The following ZNF606 variants were observed in gnomAD, a reference collection of about 807,000 sequenced individuals.
ZNF606 encodes zinc finger protein 328.
ZNF606 carries 37 observed loss-of-function variants against 74.9 expected under a neutral mutation model. The ratio of observed to expected loss-of-function variants is 0.49; its 90% CI spans 0.38 to 0.65. The LOEUF (loss-of-function observed/expected upper bound fraction) is 0.65. Among genes scored for constraint, ZNF606 ranks in the 30% least tolerant of loss-of-function variants. ZNF606 has a pLI of 0.00. For synonymous variants in ZNF606, 328 were observed against 312.4 expected (o/e 1.05, Z -0.53); for missense variants, 852 against 952.9 (o/e 0.89, Z 1.39).
At chr19:57,998,401 G>A (rs1012141712) in intron 4 of ZNF606, 1 of 152,078 alleles carries the variant, frequency 6.6e-6, no homozygotes, top group African/African-American at 2.4e-5. Flanking sequence ...TTGACACAAT[G>A]CTACAATATG....
upstream of ZNF606, chr19:58,003,274 G>A (rs147204661): frequency 2.4e-5 from 11 of 456,716 alleles, no homozygotes; most frequent in Middle Eastern, 6.5e-4. Flanking sequence ...GTCAGGGCTC[G>A]TTCCCAAGTC....
chr19:57,983,043 A>C (rs2073109965), intron 6 of ZNF606, among the ~76,000 whole-genome samples: 1 of 152,208 alleles, frequency 6.6e-6, no homozygotes, highest in Admixed American at 6.5e-5. Flanking sequence ...ATCTTCATAT[A>C]GATTTTTAAA....
chr19:57,989,939 C>T (rs1198506924), intron 4 of ZNF606, among the ~76,000 whole-genome samples: 1 of 148,986 alleles, frequency 6.7e-6, no homozygotes, highest in Admixed American at 6.8e-5. Context: ...ATAATCCCAG[C>T]TACTTGGGAG....
chr19:58,000,994 A>G (rs1340088293), intron 2 of ZNF606, among the ~76,000 whole-genome samples: 1 of 152,200 alleles, frequency 6.6e-6, no homozygotes, highest in Non-Finnish European at 1.5e-5. Context: ...TATATATGAG[A>G]GCAGTAGAGA....
At chr19:57,988,432 G>C (rs1358640279) in intron 5 of ZNF606, 130 bp from the exon 6 acceptor site, 1 of 1,366,030 alleles carries the variant, frequency 7.3e-7, no homozygotes, top group East Asian at 2.3e-5. Context: ...CCCACTCCAT[G>C]CTCTTTAAGC....
At position 57,979,981 on chromosome 19, in the gene ZNF606, C is replaced by T. The variant is rs1185634020; in HGVS notation, c.699G>A (p.Gln233=). ...LNFVPSQRVS[Q]IEHFYKPDTH... Reference sequence around the variant, plus strand: ...TATCAGGCTTATAGAAATGTTCTATCTGAGAAACTCTCTGAGATGGAACAA... The same window carrying T: ...TATCAGGCTTATAGAAATGTTCTATTTGAGAAACTCTCTGAGATGGAACAA... The change falls in exon 7 of 7, where the codon CAG becomes CAA. Residue 233 remains glutamine (Q), a synonymous_variant. Coordinates refer to ENST00000551380, the MANE Select transcript of ZNF606 (RefSeq NM_001348022.3). 6.2e-7 allele frequency: 1 copy of T among 1,613,844 alleles called. No individual in the cohort carries two copies. The highest frequency in any genetic ancestry group is 1.3e-5 in the African/African-American group (1 of 75,040).
rs957559584 is a variant in ZNF606, at chr19:57,977,482, T to C, written c.*819A>G. 8 of 152,262 alleles carry C rather than the reference T, an allele frequency of 5.3e-5. No individual in the cohort carries two copies. The highest frequency in any genetic ancestry group is 8.8e-5 in the Non-Finnish European group (6 of 68,044). 9.4% of individuals were successfully genotyped at this position (152,262 alleles called of 1,614,324 possible). On this transcript the variant is annotated 3_prime_UTR_variant, in exon 7 of 7. Transcript: ENST00000551380. The stretch of plus-strand genomic sequence containing the variant: ...TTTTAGATGTGTTACAGTAAGTATG[T>C]ATATACAATTCTGTATCCTTTTTAT...
chr19:57,986,072 C>CA (rs57618614), intron 6 of ZNF606, among the ~76,000 whole-genome samples: 23,735 of 151,830 alleles, frequency 0.16, 1,908 homozygotes, highest in African/African-American at 0.19. Flanking sequence ...GAAAGAAAGA[C>CA]AAAAAAACAT....
At position 58,000,707 on chromosome 19, in the gene ZNF606, C is replaced by G. The variant is rs773535260; in HGVS notation, c.64G>C (p.Ala22Pro). ...ALTDQSWGMT[A>P]VDPWASWALC... ...CCCCAGGAGGCCCATGGGTCAACAGCTGTCATCCCCCAAGATTGGTCCGTA... is the reference window on the plus strand; with the variant it reads ...CCCCAGGAGGCCCATGGGTCAACAGGTGTCATCCCCCAAGATTGGTCCGTA... The change falls in exon 3 of 7, where the codon GCT becomes CCT. Residue 22 changes from alanine to proline, a missense_variant. Around this residue, in one of 3 missense-constraint regions of ZNF606, gnomAD observed 545 missense variants for 542.5 expected, o/e 1.00. Transcript: ENST00000551380. The G allele has an allele frequency of 4.3e-6, 7 of 1,611,574 alleles. No individual in the cohort carries two copies. Among genetic ancestry groups the G allele is most frequent in the Non-Finnish European group, 5.1e-6 (6 of 1,178,728 alleles).
chr19:57,989,771 C>T (rs903470956), intron 4 of ZNF606, among the ~76,000 whole-genome samples: 2 of 151,412 alleles, frequency 1.3e-5, no homozygotes, highest in African/African-American at 4.8e-5. Flanking sequence ...GAAATCAACT[C>T]GCCAGGCACA....
In ZNF606 at chr19:58,001,245, G is replaced by GCT. The variant is rs1414273538; in HGVS notation, c.31+42_31+43dup. 1.9e-6 allele frequency: 3 copies of GCT among 1,612,112 alleles called. No homozygotes were observed. The African/African-American group carries it at 4.0e-5, about 22-fold the overall frequency. On this transcript the variant is annotated intron_variant, in intron 2 of 6. Coordinates refer to ENST00000551380, the MANE Select transcript of ZNF606 (RefSeq NM_001348022.3). ...CCAGCTCTGACCCATGACTGCAGCAGCTAATGATAGGGGAGGCCCAGGAGA... is the reference window on the plus strand; with the variant it reads ...CCAGCTCTGACCCATGACTGCAGCAGCTCTAATGATAGGGGAGGCCCAGGAGA...
chr19:57,992,428 A>T (rs913052540), intron 4 of ZNF606, among the ~76,000 whole-genome samples: 5 of 152,338 alleles, frequency 3.3e-5, no homozygotes, highest in Middle Eastern at 3.4e-3. Context: ...ACTAGCTAAC[A>T]GGAGACGAGG....
At chr19:57,984,617 C>T (rs371517421) in intron 6 of ZNF606, among the ~76,000 whole-genome samples, 1 of 152,218 alleles carries the variant, frequency 6.6e-6, no homozygotes, top group Non-Finnish European at 1.5e-5. Context: ...CAAATTCCTA[C>T]ATGCTTGTAG....
At chr19:57,988,838 G>C in intron 4 of ZNF606, 117 bp from the exon 5 acceptor site, 1 of 1,512,180 alleles carries the variant, frequency 6.6e-7, no homozygotes, top group South Asian at 1.2e-5. Flanking sequence ...AACTCTCCTG[G>C]TTATTCAAGA....
Position 57,979,108 on chromosome 19 carries a change from G to T in ZNF606, c.1572C>A (p.Ser524Arg), listed in dbSNP as rs1568572347. The T allele has an allele frequency of 6.2e-7, 1 of 1,614,100 alleles. No individual in the cohort carries two copies. Among genetic ancestry groups the T allele is most frequent in the Non-Finnish European group, 8.5e-7 (1 of 1,180,024 alleles). The change falls in exon 7 of 7, where the codon AGC (serine) becomes AGA (arginine). Residue 524 changes from serine (S) to arginine (R), a missense_variant. Coordinates refer to ENST00000551380, the MANE Select transcript of ZNF606 (RefSeq NM_001348022.3). ...CTECGKSFSWSSHLIAHMRMH... is the reference protein window; with the variant it reads ...CTECGKSFSWRSHLIAHMRMH... ...TTCTCATATGGGCAATAAGATGGGAGCTCCAGCTGAATGATTTCCCACATT... is the reference window on the plus strand; with the variant it reads ...TTCTCATATGGGCAATAAGATGGGATCTCCAGCTGAATGATTTCCCACATT...
chr19:57,978,199 T>A lies in ZNF606; in HGVS notation c.*102A>T. On this transcript the variant is annotated 3_prime_UTR_variant, in exon 7 of 7. Transcript: ENST00000551380. This position sits in a 1 kb window ranked among gnomAD's most constrained non-coding sequence, Gnocchi z 4.4. ...TTTCTAGTAAATAATGTGGGAGAAG[T>A]CTTACTGAACTCTTAATGAAAAATG... The A allele has an allele frequency of 8.5e-7, 1 of 1,178,952 alleles. No individual in the cohort carries two copies. The highest frequency in any genetic ancestry group is 1.2e-6 in the Non-Finnish European group (1 of 857,978). The allele number at this position is 1,178,952 out of a possible 1,614,324, so 73.0% of individuals were successfully genotyped here.
chr19:57,977,987 G>T lies in ZNF606; in HGVS notation c.*314C>A. ...CAATTCACACCAATCTACAATTGGT[G>T]AGAGCTCTTGCTAAAAGATGCCTCA... On this transcript the variant is annotated 3_prime_UTR_variant, in exon 7 of 7. Coordinates refer to ENST00000551380, the MANE Select transcript of ZNF606 (RefSeq NM_001348022.3). The T allele has an allele frequency of 4.8e-6, 1 of 210,422 alleles. No homozygotes were observed. Among genetic ancestry groups the T allele is most frequent in the Non-Finnish European group, 9.4e-6 (1 of 106,246 alleles). 13.0% of individuals were successfully genotyped at this position (210,422 alleles called of 1,614,324 possible). A position where few individuals can be genotyped will look rare whatever the true frequency, so the allele number is the denominator to read the frequency against.
chr19:57,994,970 T>C (rs2073312967), intron 4 of ZNF606, among the ~76,000 whole-genome samples: 1 of 151,204 alleles, frequency 6.6e-6, no homozygotes, highest in East Asian at 1.9e-4. Flanking sequence ...AATCACGAGG[T>C]CAAGAGATGG....
rs1424040864 is a variant in ZNF606 at position 57,988,694 on chromosome 19, C to A, written c.205G>T (p.Val69Leu). 1.2e-6 allele frequency: 2 copies of A among 1,614,042 alleles called. No individual in the cohort carries two copies. Among genetic ancestry groups the A allele is most frequent in the Non-Finnish European group, 1.7e-6 (2 of 1,180,036 alleles). The change falls in exon 5 of 7, where the codon GTG (valine) becomes TTG (leucine). Residue 69 changes from valine to leucine, a missense_variant. Val to Leu is a conservative substitution (Grantham distance 32, BLOSUM62 1). This residue lies in a region of ZNF606 where 545 missense variants were observed against 542.5 expected (regional missense o/e 1.00). Coordinates refer to ENST00000551380, the MANE Select transcript of ZNF606 (RefSeq NM_001348022.3). ...QEPVTFKDVA[V>L]DFTQEEWGQL... Reference sequence around the variant, plus strand: ...CCCCACTCTTCTTGGGTGAAGTCCACGGCCACGTCCTTGAAGGTCACTGGT... The same window carrying A: ...CCCCACTCTTCTTGGGTGAAGTCCAAGGCCACGTCCTTGAAGGTCACTGGT...
Sources: allele counts gnomAD v4.1 joint callset (sites outside exome capture counted in the v4.1 genomes callset), GRCh38; gene constraint gnomAD v4.1.1; regional missense constraint gnomAD v4.1.1; non-coding constraint Gnocchi (gnomAD v3.1); transcripts MANE v1.5; gene names NCBI Gene and HGNC (gene_info 2026-07-23, HGNC 2026-07-21).